The following AK4 variants were observed in gnomAD, a reference collection of about 807,000 sequenced individuals.
The protein encoded by AK4 is adenylate kinase 4, mitochondrial.
Under a neutral mutation model 24.6 loss-of-function variants are expected in AK4, and 13 were observed. The observed-to-expected ratio is 0.53, with a 90% CI of 0.34 to 0.84. The LOEUF is 0.84. Among genes scored for constraint, AK4 ranks in the 40% least tolerant of loss-of-function variants. The probability of loss-of-function intolerance (pLI) is 0.01; values close to 1 mark genes in which losing one functional copy is unlikely to be tolerated. For synonymous variants in AK4, 88 were observed against 107.0 expected, an observed-to-expected ratio of 0.82 and a Z score of 1.10; for missense variants, 192 against 288.2, an observed-to-expected ratio of 0.67 and a Z score of 2.42.
intron 2 of AK4, among the ~76,000 whole-genome samples, chr1:65,198,360 G>C (rs184840773): frequency 2.2e-4 from 34 of 152,312 alleles, no homozygotes; most frequent in Admixed American, 1.6e-3. Flanking sequence ...ACATAACCAT[G>C]ATTTGCCCCT....
intron 2 of AK4, among the ~76,000 whole-genome samples, chr1:65,214,406 C>T (rs892687108): frequency 4.6e-5 from 7 of 152,086 alleles, no homozygotes; most frequent in African/African-American, 1.5e-4. Context: ...CCACTGTGCC[C>T]GGCCCCTTGT....
intron 2 of AK4, among the ~76,000 whole-genome samples, chr1:65,200,103 T>TTTTGTTTTGTTTTG (rs1651616573): frequency 6.7e-6 from 1 of 149,682 alleles, no homozygotes; most frequent in Non-Finnish European, 1.5e-5. Flanking sequence ...AGGTAACAGG[T>TTTTGTTTTGTTTTG]TTTTGTTTTG....
intron 2 of AK4, among the ~76,000 whole-genome samples, chr1:65,193,073 G>C (rs1651359495): frequency 1.3e-5 from 2 of 152,184 alleles, no homozygotes; most frequent in Non-Finnish European, 2.9e-5. Flanking sequence ...GGGGACTCTG[G>C]GGCAGCCTTG....
chr1:65,175,662 T>TCCAGAGGGC (rs1650689197), intron 1 of AK4, among the ~76,000 whole-genome samples: 2 of 152,108 alleles, frequency 1.3e-5, no homozygotes, highest in African/African-American at 4.8e-5. Context: ...AGTAAGAAAA[T>TCCAGAGGGC]CCAGAGGGCC....
intron 1 of AK4, among the ~76,000 whole-genome samples, chr1:65,162,397 G>T (rs553926330): frequency 6.6e-6 from 1 of 152,280 alleles, no homozygotes; most frequent in African/African-American, 2.4e-5. Flanking sequence ...GGAAAGGTAG[G>T]TATAGGGCCT....
chr1:65,157,236 C>A (rs1471569015), intron 1 of AK4, among the ~76,000 whole-genome samples: 1 of 152,172 alleles, frequency 6.6e-6, no homozygotes, highest in African/African-American at 2.4e-5. Flanking sequence ...GAAAAGGTCT[C>A]ATGGACTCAC....
chr1:65,171,383 A>T (rs1228004218), intron 1 of AK4, among the ~76,000 whole-genome samples: 1 of 126,602 alleles, frequency 7.9e-6, no homozygotes, highest in Non-Finnish European at 1.6e-5. Context: ...CAATCTCCGC[A>T]CTGCAACCTC....
At chr1:65,156,180 T>C (rs567842146) in intron 1 of AK4, among the ~76,000 whole-genome samples, 1 of 152,316 alleles carries the variant, frequency 6.6e-6, no homozygotes, top group Non-Finnish European at 1.5e-5. Flanking sequence ...TACATGCAGA[T>C]AGTAAAATTT....
chr1:65,175,718 T>C (rs937762358), intron 1 of AK4, among the ~76,000 whole-genome samples: 2 of 152,198 alleles, frequency 1.3e-5, no homozygotes, highest in Non-Finnish European at 2.9e-5. Flanking sequence ...TGAAAGTGCC[T>C]GCTATGGTGG....
chr1:65,157,590 C>T (rs1345360522), intron 1 of AK4, among the ~76,000 whole-genome samples: 4 of 152,048 alleles, frequency 2.6e-5, no homozygotes, highest in African/African-American at 9.7e-5. Context: ...CCAAGACCAG[C>T]TTGGATAACG....
Position 65,212,584 on chromosome 1 carries a change from G to C in AK4, c.266-6170G>C, listed in dbSNP as rs371647463. On this transcript the variant is annotated intron_variant, in intron 2 of 4. Coordinates refer to ENST00000327299, the MANE Select transcript of AK4 (RefSeq NM_013410.4). ...GCTCACTGCAGCCTCAACCTGCTGG[G>C]CTTATGCAATCCTTCTACCTCAGCC... 4.6e-5 allele frequency among the ~76,000 whole-genome samples: 7 copies of C among 152,262 alleles called. No individual in the cohort carries two copies. The East Asian group carries it at 7.7e-4, about 17-fold the overall frequency.
At chr1:65,196,741 C>T (rs965427808) in intron 2 of AK4, among the ~76,000 whole-genome samples, 18 of 152,288 alleles carry the variant, frequency 1.2e-4, no homozygotes, top group Admixed American at 3.3e-4. Flanking sequence ...GCTGGGATTA[C>T]AGGCATGAGC....
At chr1:65,170,389 A>ACAC (rs1470168023) in intron 1 of AK4, among the ~76,000 whole-genome samples, 7 of 151,332 alleles carry the variant, frequency 4.6e-5, no homozygotes, top group Non-Finnish European at 8.8e-5. Flanking sequence ...CACACACACA[A>ACAC]AAAAAATCAG....
At chr1:65,169,406 A>T (rs893346609) in intron 1 of AK4, among the ~76,000 whole-genome samples, 1 of 152,144 alleles carries the variant, frequency 6.6e-6, no homozygotes, top group African/African-American at 2.4e-5. Flanking sequence ...GTGTGGTTGT[A>T]TTTAAGAGTG....
chr1:65,182,333 GA>G (rs1570098570), intron 1 of AK4, among the ~76,000 whole-genome samples: 1 of 152,170 alleles, frequency 6.6e-6, no homozygotes, highest in Non-Finnish European at 1.5e-5. Context: ...CTGTGGTTCT[GA>G]GTGATTGGAG....
chr1:65,166,485 G>A (rs1650333577), intron 1 of AK4, among the ~76,000 whole-genome samples: 1 of 152,020 alleles, frequency 6.6e-6, no homozygotes, highest in African/African-American at 2.4e-5. Context: ...AAAGTTATGT[G>A]TGTTCCTCAT....
chr1:65,218,118 A>G (rs1314224760), intron 2 of AK4, among the ~76,000 whole-genome samples: 1 of 152,214 alleles, frequency 6.6e-6, no homozygotes, highest in African/African-American at 2.4e-5. Flanking sequence ...CAGATTGCCT[A>G]CCTTGGTTAA....
chr1:65,218,980 C>A, intron 3 of AK4, 54 bp downstream of exon 3: 1 of 1,406,602 alleles, frequency 7.1e-7, no homozygotes, highest in Non-Finnish European at 9.6e-7. Context: ...CAAACAATTT[C>A]CATTGAAAAG....
At chr1:65,155,008 G>T (rs1649930391) in intron 1 of AK4, among the ~76,000 whole-genome samples, 1 of 151,594 alleles carries the variant, frequency 6.6e-6, no homozygotes, top group African/African-American at 2.4e-5. Flanking sequence ...CCACCACCAT[G>T]CCCAGCTAAT....
Sources: gnomAD v4.1 joint callset for allele counts (sites outside exome capture counted in the v4.1 genomes callset) on GRCh38, gnomAD v4.1.1 for gene constraint, MANE v1.5 for transcripts, NCBI Gene and HGNC (gene_info 2026-07-23, HGNC 2026-07-21) for gene names.